Variants in SMG6 observed in about 807,000 individuals in gnomAD.
SMG6 encodes telomerase-binding protein EST1A.
Under a neutral mutation model 142.2 loss-of-function variants are expected in SMG6, and 66 were observed. That is an observed-to-expected ratio of 0.46 (90% CI 0.38 to 0.57). The LOEUF is 0.57. Ranked by LOEUF, SMG6 falls within the 20% of genes least tolerant of loss-of-function variation. SMG6 has a pLI of 0.00. For missense variants in SMG6, 1,793 were observed against 1,832.0 expected, an observed-to-expected ratio of 0.98 and a Z score of 0.39; for synonymous variants, 779 against 702.4, an observed-to-expected ratio of 1.11 and a Z score of -1.72.
At chr17:2,115,835 T>G (rs902451816) in intron 13 of SMG6, among the ~76,000 whole-genome samples, 1 of 152,092 alleles carries the variant, frequency 6.6e-6, no homozygotes, top group Non-Finnish European at 1.5e-5. Context: ...GCAATCCTCC[T>G]GCTTCAGTAG....
intron 10 of SMG6, among the ~76,000 whole-genome samples, chr17:2,216,815 T>G (rs73298604): frequency 0.011 from 1,736 of 152,336 alleles, 26 homozygotes; most frequent in African/African-American, 0.039. Context: ...AATTCCATTT[T>G]CAAGATGAGC....
chr17:2,171,512 C>A (rs1311626884), intron 13 of SMG6, among the ~76,000 whole-genome samples: 1 of 150,520 alleles, frequency 6.6e-6, no homozygotes, highest in Non-Finnish European at 1.5e-5. Flanking sequence ...CCACAGTGAA[C>A]AAATACTCTT....
rs1439977397 is a variant in SMG6 at position 2,059,931 on chromosome 17, C to CCAGT, written c.*1557_*1560dup. The stretch of plus-strand genomic sequence containing the variant: ...AGAGCTGGGTCTCCCTCCCGACCAC[C>CCAGT]CAGTCATCGGCCTTCCAGCTGGGGA... On this transcript the variant is annotated 3_prime_UTR_variant, in exon 19 of 19. Coordinates refer to ENST00000263073, the MANE Select transcript of SMG6 (RefSeq NM_017575.5). The CCAGT allele has an allele frequency of 6.5e-6, 1 of 153,402 alleles. No individual in the cohort carries two copies. Among genetic ancestry groups the CCAGT allele is most frequent in the Non-Finnish European group, 1.5e-5 (1 of 68,086 alleles). The allele number at this position is 153,402 out of a possible 1,614,324, so 9.5% of individuals were successfully genotyped here.
At chr17:2,193,681 G>A (rs1009156356) in intron 10 of SMG6, among the ~76,000 whole-genome samples, 1 of 152,128 alleles carries the variant, frequency 6.6e-6, no homozygotes, top group African/African-American at 2.4e-5. Flanking sequence ...AATCTAATAA[G>A]GAAGACAGGA....
intron 13 of SMG6, among the ~76,000 whole-genome samples, chr17:2,104,884 T>G (rs1344533746): frequency 6.6e-6 from 1 of 152,028 alleles, no homozygotes; most frequent in Non-Finnish European, 1.5e-5. Context: ...TAATGGCACT[T>G]TCACAAAGAG....
chr17:2,179,711 C>T (rs530137937), intron 12 of SMG6, among the ~76,000 whole-genome samples: 2 of 152,234 alleles, frequency 1.3e-5, no homozygotes, highest in East Asian at 3.9e-4. Context: ...TCTCCAGAGC[C>T]CCAGCTATGT....
intron 13 of SMG6, among the ~76,000 whole-genome samples, chr17:2,112,327 A>G (rs1209884696): frequency 1.3e-5 from 2 of 151,134 alleles, no homozygotes; most frequent in Non-Finnish European, 2.9e-5. Flanking sequence ...ACATGGTGAA[A>G]CCCCGTCTCT....
chr17:2,111,192 C>A (rs1030080258), intron 13 of SMG6, among the ~76,000 whole-genome samples: 2 of 138,054 alleles, frequency 1.4e-5, no homozygotes, highest in Non-Finnish European at 3.0e-5. Context: ...GCTCCTGTTC[C>A]CATGGAACTT....
At chr17:2,247,218 G>A (rs1372903429) in intron 8 of SMG6, among the ~76,000 whole-genome samples, 1 of 152,200 alleles carries the variant, frequency 6.6e-6, no homozygotes, top group Non-Finnish European at 1.5e-5. Context: ...CCTAACAAAT[G>A]ATGAAGCAAG....
intron 8 of SMG6, chr17:2,255,779 G>C (rs1319774733): frequency 4.7e-6 from 1 of 211,584 alleles, no homozygotes; most frequent in Non-Finnish European, 9.3e-6. Context: ...AAATTAGATT[G>C]TTGCTGTGTC....
At chr17:2,302,315 G>A (rs1361377654) in intron 1 of SMG6, among the ~76,000 whole-genome samples, 3 of 152,080 alleles carry the variant, frequency 2.0e-5, no homozygotes, top group African/African-American at 4.8e-5. Context: ...AGGCCAAGGC[G>A]GGCGGATCAC....
chr17:2,189,564 G>A (rs1194838225), intron 10 of SMG6, among the ~76,000 whole-genome samples: 1 of 152,144 alleles, frequency 6.6e-6, no homozygotes, highest in Non-Finnish European at 1.5e-5. Flanking sequence ...ATCTCCAAGT[G>A]TTAAAAGGAT....
At chr17:2,114,980 A>AAAAAAATGAAATG (rs2069461459) in intron 13 of SMG6, among the ~76,000 whole-genome samples, 3 of 133,476 alleles carry the variant, frequency 2.2e-5, no homozygotes, top group African/African-American at 8.3e-5. Context: ...GAAATAAAAT[A>AAAAAAATGAAATG]AAATAAAATA....
chr17:2,202,922 T>C (rs1444295481), intron 10 of SMG6, among the ~76,000 whole-genome samples: 1 of 152,156 alleles, frequency 6.6e-6, no homozygotes, highest in African/African-American at 2.4e-5. Flanking sequence ...CTTCTGCAGG[T>C]GAGACAATGA....
At chr17:2,277,634 C>T (rs890451935) in intron 8 of SMG6, among the ~76,000 whole-genome samples, 1 of 152,150 alleles carries the variant, frequency 6.6e-6, no homozygotes, top group African/African-American at 2.4e-5. Flanking sequence ...TTGCACAGCA[C>T]AGCAATTTTT....
At position 2,065,071 on chromosome 17, in the gene SMG6, AC is replaced by A; in HGVS notation, c.4129+1del. 6.2e-7 allele frequency: 1 copy of A among 1,612,956 alleles called. No individual in the cohort carries two copies. The highest frequency in any genetic ancestry group is 8.5e-7 in the Non-Finnish European group (1 of 1,179,066). ...GATCCCAAGGCGGAGGCAAAGCTGT[AC>A]CTTTGCTGGCGGGCATGAAGTCCTT... On this transcript the variant is annotated splice_donor_variant, in intron 18 of 18. Coordinates refer to ENST00000263073, the MANE Select transcript of SMG6 (RefSeq NM_017575.5). LOFTEE classifies it high-confidence loss of function.
chr17:2,107,465 G>A (rs2069185576), intron 13 of SMG6, among the ~76,000 whole-genome samples: 1 of 152,208 alleles, frequency 6.6e-6, no homozygotes, highest in Admixed American at 6.6e-5. Context: ...GTGAGAACTA[G>A]TTGTTAGCTG....
intron 8 of SMG6, among the ~76,000 whole-genome samples, chr17:2,250,199 A>G (rs891728685): frequency 6.6e-6 from 1 of 152,168 alleles, no homozygotes; most frequent in Non-Finnish European, 1.5e-5. Context: ...AACAGGCCCA[A>G]TTTCAGTTCC....
intron 13 of SMG6, among the ~76,000 whole-genome samples, chr17:2,108,759 C>T (rs1434219336): frequency 6.6e-6 from 1 of 152,150 alleles, no homozygotes; most frequent in Non-Finnish European, 1.5e-5. Context: ...CTGGCCAATA[C>T]AGCGAAGACC....
Sources: allele counts gnomAD v4.1 joint callset (sites outside exome capture counted in the v4.1 genomes callset), GRCh38; gene constraint gnomAD v4.1.1; transcripts MANE v1.5; gene names NCBI Gene and HGNC (gene_info 2026-07-23, HGNC 2026-07-21).